MBTPS1: variants seen among roughly 807,000 people sequenced by gnomAD.
The protein encoded by MBTPS1 is membrane bound transcription factor peptidase, site 1, also known as membrane-bound transcription factor site-1 protease.
In MBTPS1, 94 loss-of-function variants were observed where a neutral mutation model predicts 127.8. That is an observed-to-expected ratio of 0.74 (90% confidence interval 0.62 to 0.87). The LOEUF (loss-of-function observed/expected upper bound fraction) is 0.87, where lower values mean the gene tolerates loss of function less well. Among genes scored for constraint, MBTPS1 ranks in the 40% least tolerant of loss-of-function variants. MBTPS1 has a pLI of 0.00. For missense variants in MBTPS1, 1,636 were observed against 1,353.2 expected (o/e 1.21, Z -3.28); for synonymous variants, 632 against 509.4 (o/e 1.24, Z -3.24).
intron 4 of MBTPS1, among the ~76,000 whole-genome samples, chr16:84,094,170 C>T (rs1191810721): frequency 6.6e-6 from 1 of 152,106 alleles, no homozygotes; most frequent in Non-Finnish European, 1.5e-5. Flanking sequence ...CCTACTGATA[C>T]TCCCCTTCTG....
intron 1 of MBTPS1, among the ~76,000 whole-genome samples, chr16:84,108,811 G>A (rs1157812155): frequency 6.6e-6 from 1 of 152,154 alleles, no homozygotes; most frequent in Non-Finnish European, 1.5e-5. Context: ...AGGTAAAACT[G>A]TTTGATCAAA....
intron 21 of MBTPS1, among the ~76,000 whole-genome samples, chr16:84,058,826 G>C (rs936657205): frequency 3.9e-5 from 6 of 152,156 alleles, no homozygotes; most frequent in Admixed American, 2.0e-4. Context: ...CATCGGAGGC[G>C]GGTGCTTTCA....
intron 21 of MBTPS1, among the ~76,000 whole-genome samples, chr16:84,058,331 G>T (rs866449869): frequency 3.9e-5 from 6 of 152,240 alleles, no homozygotes; most frequent in Non-Finnish European, 7.3e-5. Context: ...GACGGAAGGT[G>T]GCCTCCGTCC....
chr16:84,055,984 A>G, intron 22 of MBTPS1, 21 bp downstream of exon 22: 1 of 1,603,810 alleles, frequency 6.2e-7, no homozygotes, highest in Non-Finnish European at 8.5e-7. Context: ...GAGCACAATC[A>G]CAAAGCAGCC....
chr16:84,056,208 A>T (rs1252433559), intron 21 of MBTPS1, 73 bp from the exon 22 acceptor site: 1 of 1,310,810 alleles, frequency 7.6e-7, no homozygotes, highest in Non-Finnish European at 1.1e-6. Flanking sequence ...TAGGAAGTTC[A>T]ACTGAAACTC....
chr16:84,100,998 A>AT (rs2086245975), intron 2 of MBTPS1, among the ~76,000 whole-genome samples: 8 of 143,032 alleles, frequency 5.6e-5, no homozygotes, highest in Non-Finnish European at 1.1e-4. Context: ...TACTAAAAAT[A>AT]CAAAAAAAAA....
rs537432565 is a variant in MBTPS1 at position 84,108,483 on chromosome 16, C to T, written c.-324-6376G>A. ...TTTGCCATGCTGGCCAGGCTGGTCT[C>T]GAACTCCTGACCTCAGGTGATCCAG... On this transcript the variant is annotated intron_variant, in intron 1 of 22. Coordinates refer to ENST00000343411, the MANE Select transcript of MBTPS1 (RefSeq NM_003791.4). 3.9e-5 allele frequency among the ~76,000 whole-genome samples: 6 copies of T among 152,298 alleles called. No homozygotes were observed. The East Asian group carries it at 5.8e-4, about 15-fold the overall frequency.
intron 19 of MBTPS1, chr16:84,061,261 A>T: frequency 6.4e-6 from 1 of 157,332 alleles, no homozygotes; most frequent in South Asian, 1.9e-4. Flanking sequence ...CTCATAAGAC[A>T]TGCATTCTCA....
chr16:84,070,074 T>C (rs775977898), intron 13 of MBTPS1, 36 bp from the exon 14 acceptor site: 145 of 1,530,770 alleles, frequency 9.5e-5, no homozygotes, highest in Middle Eastern at 9.1e-4. Flanking sequence ...AACGCCCTCA[T>C]TGTGCAGAAA....
intron 10 of MBTPS1, among the ~76,000 whole-genome samples, chr16:84,083,481 A>G (rs9933154): frequency 0.62 from 94,006 of 151,332 alleles, 29,348 homozygotes; most frequent in East Asian, 0.8. Context: ...GGTAGAGATG[A>G]GGTCTCACTA....
chr16:84,105,365 C>G (rs1270082319), intron 1 of MBTPS1, among the ~76,000 whole-genome samples: 4 of 152,036 alleles, frequency 2.6e-5, no homozygotes, highest in Non-Finnish European at 5.9e-5. Flanking sequence ...AATTTAAGGA[C>G]AACTAAACAA....
At chr16:84,078,652 A>G (rs1358079472) in intron 11 of MBTPS1, among the ~76,000 whole-genome samples, 1 of 152,254 alleles carries the variant, frequency 6.6e-6, no homozygotes, top group Non-Finnish European at 1.5e-5. Context: ...AACAACTTAA[A>G]AGCCCATATG....
intron 18 of MBTPS1, among the ~76,000 whole-genome samples, chr16:84,064,851 T>C (rs1156508814): frequency 1.3e-5 from 2 of 152,204 alleles, no homozygotes; most frequent in Non-Finnish European, 2.9e-5. Context: ...AAAAATAAGT[T>C]CTATATTCCA....
intron 16 of MBTPS1, 60 bp downstream of exon 16, chr16:84,067,607 G>A: frequency 6.9e-6 from 9 of 1,304,948 alleles, no homozygotes; most frequent in Non-Finnish European, 9.8e-6. Flanking sequence ...TTAAGTATTT[G>A]CTGGGTAGAA....
chr16:84,069,728 A>T (rs906015724), intron 14 of MBTPS1, 138 bp downstream of exon 14: 64 of 806,226 alleles, frequency 7.9e-5, no homozygotes, highest in Admixed American at 7.1e-4. Context: ...GCATGGCAAA[A>T]GCCTGAACAT....
At chr16:84,067,346 C>CT (rs1049583622) in intron 16 of MBTPS1, among the ~76,000 whole-genome samples, 2 of 152,088 alleles carry the variant, frequency 1.3e-5, no homozygotes, top group African/African-American at 2.4e-5. Flanking sequence ...GGACTATTTT[C>CT]TTTTTTGTGT....
chr16:84,113,460 A>G (rs1366462019), intron 1 of MBTPS1, among the ~76,000 whole-genome samples: 2 of 152,270 alleles, frequency 1.3e-5, no homozygotes, highest in East Asian at 1.9e-4. Context: ...TTCAAATTAT[A>G]GAAATAGAAA....
At chr16:84,102,779 A>G (rs1220710989) in intron 1 of MBTPS1, among the ~76,000 whole-genome samples, 1 of 152,218 alleles carries the variant, frequency 6.6e-6, no homozygotes, top group Non-Finnish European at 1.5e-5. Context: ...CCTATCAGTG[A>G]TATTTAACAC....
At chr16:84,085,378 G>C (rs2086005546) in intron 9 of MBTPS1, among the ~76,000 whole-genome samples, 1 of 152,076 alleles carries the variant, frequency 6.6e-6, no homozygotes, top group Non-Finnish European at 1.5e-5. Context: ...ACTAGCCTGG[G>C]CTACACAGTA....
Sources: allele counts gnomAD v4.1 joint callset (sites outside exome capture counted in the v4.1 genomes callset), GRCh38; gene constraint gnomAD v4.1.1; transcripts MANE v1.5; gene names NCBI Gene and HGNC (gene_info 2026-07-23, HGNC 2026-07-21).